APBA2: variants seen among roughly 807,000 people sequenced by gnomAD.
APBA2 encodes the protein amyloid beta precursor protein binding family A member 2.
APBA2 carries 30 observed loss-of-function variants against 75.0 expected under a neutral mutation model. The ratio of observed to expected loss-of-function variants is 0.40; its 90% CI spans 0.30 to 0.54. The LOEUF (loss-of-function observed/expected upper bound fraction) is 0.54. Ranked by LOEUF, APBA2 falls within the 20% of genes least tolerant of loss-of-function variation. The pLI is 0.49. For synonymous variants in APBA2, 444 were observed against 409.6 expected (o/e 1.08, Z -1.01); for missense variants, 801 against 1,016.1 (o/e 0.79, Z 2.88).
chr15:29,085,322 A>C (rs765562158), intron 6 of APBA2, among the ~76,000 whole-genome samples: 5 of 152,092 alleles, frequency 3.3e-5, no homozygotes, highest in Non-Finnish European at 5.9e-5. Flanking sequence ...TCAGGAGATC[A>C]AGACCATCCT....
At chr15:28,969,180 C>CTTTTTTTTTTT (rs1195695514) in intron 2 of APBA2, among the ~76,000 whole-genome samples, 1 of 130,844 alleles carries the variant, frequency 7.6e-6, no homozygotes, top group African/African-American at 2.7e-5. Context: ...TTCTTTCTTT[C>CTTTTTTTTTTT]TTTTTTTTAT....
intron 1 of APBA2, among the ~76,000 whole-genome samples, chr15:28,917,183 C>CTG (rs2033724233): frequency 6.6e-5 from 10 of 152,222 alleles, no homozygotes; most frequent in African/African-American, 2.4e-4. Flanking sequence ...CCCTGCCCTC[C>CTG]CTCCAAACCC....
At chr15:29,000,973 G>A (rs1024112315) in intron 3 of APBA2, among the ~76,000 whole-genome samples, 1 of 152,140 alleles carries the variant, frequency 6.6e-6, no homozygotes, top group Non-Finnish European at 1.5e-5. Context: ...GGCCCTGCCT[G>A]TGTGGCTGAT....
At chr15:29,040,663 T>G (rs2040990132) in intron 3 of APBA2, among the ~76,000 whole-genome samples, 1 of 152,214 alleles carries the variant, frequency 6.6e-6, no homozygotes, top group Admixed American at 6.5e-5. Context: ...CTGAGTGGAT[T>G]TATCGTCTGA....
intron 6 of APBA2, among the ~76,000 whole-genome samples, chr15:29,087,368 G>A (rs1300096197): frequency 2.6e-5 from 4 of 152,130 alleles, no homozygotes; most frequent in Non-Finnish European, 5.9e-5. Context: ...GCTTGGCTTT[G>A]ACCTTCCTTC....
At chr15:28,901,908 A>ATGTGTGTGTGTGTGTGTGGG (rs2032881686) in intron 1 of APBA2, among the ~76,000 whole-genome samples, 2 of 67,378 alleles carry the variant, frequency 3.0e-5, no homozygotes, top group Admixed American at 1.9e-4. Context: ...GGAGCTTTTG[A>ATGTGTGTGTGTGTGTGTGGG]TGTGTGTGTG....
chr15:28,997,884 C>T (rs966840319), intron 3 of APBA2, among the ~76,000 whole-genome samples: 3 of 152,144 alleles, frequency 2.0e-5, no homozygotes, highest in Non-Finnish European at 4.4e-5. Context: ...GTGTAATAGG[C>T]CTATCATGTA....
At chr15:28,983,352 G>A (rs144580055) in intron 2 of APBA2, among the ~76,000 whole-genome samples, 2 of 152,084 alleles carry the variant, frequency 1.3e-5, no homozygotes, top group African/African-American at 2.4e-5. Flanking sequence ...TGTATTTGTG[G>A]TGTGTGTGTG....
Position 29,098,595 on chromosome 15 carries a change from T to C in APBA2, c.1338+19T>C. Reference sequence around the variant, plus strand: ...CACGCAGGTAAGCGTTTAAGACAGTTGTTCAAAATCAGGTAAACTCCTAAG... The same window carrying C: ...CACGCAGGTAAGCGTTTAAGACAGTCGTTCAAAATCAGGTAAACTCCTAAG... On this transcript the variant is annotated intron_variant, in intron 9 of 14. Coordinates refer to ENST00000683413, the MANE Select transcript of APBA2 (RefSeq NM_001353788.2). 6.2e-7 allele frequency: 1 copy of C among 1,601,754 alleles called. No individual in the cohort carries two copies. Among genetic ancestry groups the C allele is most frequent in the Non-Finnish European group, 8.6e-7 (1 of 1,168,868 alleles).
rs1323143856 is a variant in APBA2, at chr15:29,101,966, A to C, written c.1524+182A>C. 7.4e-6 allele frequency: 5 copies of C among 674,772 alleles called. No individual in the cohort carries two copies. The South Asian group carries it at 8.2e-5, about 11-fold the overall frequency. 41.8% of individuals were successfully genotyped at this position (674,772 alleles called of 1,614,324 possible). Reference sequence around the variant, plus strand: ...TTGCAAAGATAGTGAATACAGTTTTATTCTACTTCTTGAAATAGGTTCTTC... The same window carrying C: ...TTGCAAAGATAGTGAATACAGTTTTCTTCTACTTCTTGAAATAGGTTCTTC... On this transcript the variant is annotated intron_variant, in intron 10 of 14. Coordinates refer to ENST00000683413, the MANE Select transcript of APBA2 (RefSeq NM_001353788.2).
intron 7 of APBA2, among the ~76,000 whole-genome samples, chr15:29,093,835 A>G (rs2043707784): frequency 1.3e-5 from 2 of 152,180 alleles, no homozygotes; most frequent in South Asian, 4.1e-4. Context: ...CCCAGCCCTC[A>G]CCATACACAA....
At chr15:29,047,474 T>C (rs1441867897) in intron 3 of APBA2, among the ~76,000 whole-genome samples, 1 of 152,262 alleles carries the variant, frequency 6.6e-6, no homozygotes, top group Non-Finnish European at 1.5e-5. Context: ...AATTTTGATA[T>C]TTTGTTCATC....
At position 29,092,879 on chromosome 15, in the gene APBA2, C is replaced by T. The variant is rs375758217; in HGVS notation, c.1070-196C>T. On this transcript the variant is annotated intron_variant, in intron 6 of 14. Coordinates refer to ENST00000683413, the MANE Select transcript of APBA2 (RefSeq NM_001353788.2). ...TTTTCTGGCCCAAGTGTTGATTTCG[C>T]GCAGTTACTTGCAGCACGGGGTAGT... is the stretch of plus-strand genomic sequence containing the variant. Among the ~76,000 whole-genome samples, 9 of 152,266 alleles carry T rather than the reference C, an allele frequency of 5.9e-5. No individual in the cohort carries two copies. The East Asian group carries it at 1.4e-3, about 23-fold the overall frequency.
At chr15:28,916,209 T>C (rs2033683627) in intron 1 of APBA2, among the ~76,000 whole-genome samples, 1 of 152,158 alleles carries the variant, frequency 6.6e-6, no homozygotes, top group Non-Finnish European at 1.5e-5. Context: ...GGAGGCTGGC[T>C]CCTCTGCTCC....
At chr15:29,116,480 T>C (rs943666569) in intron 14 of APBA2, among the ~76,000 whole-genome samples, 1 of 151,464 alleles carries the variant, frequency 6.6e-6, no homozygotes, top group Non-Finnish European at 1.5e-5. Context: ...ACAAAAAAAT[T>C]CGCTGGGTGT....
intron 3 of APBA2, among the ~76,000 whole-genome samples, chr15:29,010,936 T>C (rs2039373918): frequency 6.6e-6 from 1 of 152,214 alleles, no homozygotes; most frequent in Non-Finnish European, 1.5e-5. Flanking sequence ...AAATTCATAA[T>C]GTTGTGAAGC....
chr15:28,982,472 A>C (rs150570143), intron 2 of APBA2, among the ~76,000 whole-genome samples: 7 of 152,346 alleles, frequency 4.6e-5, no homozygotes, highest in African/African-American at 1.7e-4. Context: ...GGTTTGATCT[A>C]GCAGCTTGAC....
rs1228867121 is a variant in APBA2, at chr15:28,988,279, T to C, written c.-94-7474T>C. Among the ~76,000 whole-genome samples, 4 of 151,792 alleles carry C rather than the reference T, an allele frequency of 2.6e-5. No homozygotes were observed. In the East Asian group the frequency reaches 7.8e-4, roughly 29 times the overall value. On this transcript the variant is annotated intron_variant, in intron 2 of 14. Transcript: ENST00000683413. ...TTTCTGTAGTGTGCCTTTTTTTTTT[T>C]TTGAGATGGAGTCTTGCTCTGTTGC... is the stretch of plus-strand genomic sequence containing the variant.
chr15:28,982,704 G>T (rs1057387409), intron 2 of APBA2, among the ~76,000 whole-genome samples: 3 of 152,210 alleles, frequency 2.0e-5, no homozygotes, highest in Non-Finnish European at 4.4e-5. Context: ...GCAGCAATTT[G>T]TCATGACAAA....
Sources: gnomAD v4.1 joint callset for allele counts (sites outside exome capture counted in the v4.1 genomes callset) on GRCh38, gnomAD v4.1.1 for gene constraint, MANE v1.5 for transcripts, NCBI Gene and HGNC (gene_info 2026-07-23, HGNC 2026-07-21) for gene names.